Variants in PCDHA6 observed in about 807,000 individuals in gnomAD.
PCDHA6 encodes protocadherin alpha 6, also known as protocadherin alpha-6.
Under a neutral mutation model 60.3 loss-of-function variants are expected in PCDHA6, and 55 were observed. The observed-to-expected ratio is 0.91, with a 90% CI of 0.73 to 1.14. The LOEUF is 1.14. Among genes scored for constraint, PCDHA6 ranks in the 50% most tolerant of loss-of-function variants. PCDHA6 has a pLI of 0.00. For synonymous variants in PCDHA6, 652 were observed against 557.9 expected (o/e 1.17, Z -2.38); for missense variants, 1,327 against 1,256.5 (o/e 1.06, Z -0.85).
intron 1 of PCDHA6, chr5:140,869,103 G>T: frequency 6.2e-7 from 1 of 1,600,312 alleles, no homozygotes; most frequent in Non-Finnish European, 8.5e-7. Context: ...TTTCGTATGC[G>T]ATGTTTGGTT....
chr5:140,854,244 A>C lies in PCDHA6; in HGVS notation c.2394+23759A>C, dbSNP rs782085298. 42 of 645,742 alleles carry C rather than the reference A, an allele frequency of 6.5e-5. 1 individual carries two copies. The highest frequency in any genetic ancestry group is 7.7e-5 in the Non-Finnish European group (40 of 520,302). 40.0% of individuals were successfully genotyped at this position (645,742 alleles called of 1,614,324 possible). A position where few individuals can be genotyped will look rare whatever the true frequency, so the allele number is the denominator to read the frequency against. ...TCTACATTGGGATATTTATGTTATCACTTGGTATAAAATGTACATTAGTAG... is the reference window on the plus strand; with the variant it reads ...TCTACATTGGGATATTTATGTTATCCCTTGGTATAAAATGTACATTAGTAG... On this transcript the variant is annotated intron_variant, in intron 1 of 3. Coordinates refer to ENST00000529310, the MANE Select transcript of PCDHA6 (RefSeq NM_018909.4).
intron 1 of PCDHA6, among the ~76,000 whole-genome samples, chr5:140,879,438 A>C (rs2057989809): frequency 6.6e-6 from 1 of 152,214 alleles, no homozygotes; most frequent in South Asian, 2.1e-4. Context: ...ACATTTAAGA[A>C]AATGTTACTT....
chr5:140,980,265 A>G (rs1041506600), intron 2 of PCDHA6, among the ~76,000 whole-genome samples: 1 of 152,258 alleles, frequency 6.6e-6, no homozygotes, highest in Non-Finnish European at 1.5e-5. Flanking sequence ...CATGGTTTAC[A>G]GTACCAACTC....
chr5:140,884,229 A>T (rs2060058344), intron 1 of PCDHA6: 2 of 1,613,258 alleles, frequency 1.2e-6, no homozygotes. Flanking sequence ...GTGAAGGACC[A>T]CGGTGAGCCC....
At chr5:140,889,705 CA>C (rs1440108575) in intron 1 of PCDHA6, among the ~76,000 whole-genome samples, 2 of 152,132 alleles carry the variant, frequency 1.3e-5, no homozygotes, top group Non-Finnish European at 1.5e-5. Flanking sequence ...GCATATTCCA[CA>C]AGTTCTTTGC....
chr5:140,917,952 GA>G (rs1180047836), intron 1 of PCDHA6, among the ~76,000 whole-genome samples: 1 of 152,002 alleles, frequency 6.6e-6, no homozygotes, highest in Non-Finnish European at 1.5e-5. Flanking sequence ...AGTTTGATAG[GA>G]ACATCATTGA....
chr5:140,836,420 G>T, intron 1 of PCDHA6: 1 of 1,613,810 alleles, frequency 6.2e-7, no homozygotes. Flanking sequence ...CAAAGGCGTC[G>T]TCGCGGGCAT....
chr5:140,834,201 A>G, intron 1 of PCDHA6: 1 of 610,058 alleles, frequency 1.6e-6, no homozygotes, highest in South Asian at 2.4e-5. Context: ...TCTTTACCGC[A>G]AATTCTTTCG....
intron 1 of PCDHA6, among the ~76,000 whole-genome samples, chr5:140,951,497 A>G (rs2094591184): frequency 6.6e-6 from 1 of 152,030 alleles, no homozygotes; most frequent in Non-Finnish European, 1.5e-5. Flanking sequence ...GGTGGAAGGC[A>G]AAAGGAAAGC....
intron 1 of PCDHA6, among the ~76,000 whole-genome samples, chr5:140,833,925 A>T (rs2150212105): frequency 0.49 from 75,044 of 151,918 alleles, 18,888 homozygotes; most frequent in Middle Eastern, 0.62. Flanking sequence ...GTTTAAATTC[A>T]TGTTGTCACT....
At chr5:140,895,671 T>C (rs1014778982) in intron 1 of PCDHA6, among the ~76,000 whole-genome samples, 5 of 152,184 alleles carry the variant, frequency 3.3e-5, no homozygotes, top group African/African-American at 4.8e-5. Context: ...GAACATGTAG[T>C]ATTTGGTTTT....
intron 1 of PCDHA6, among the ~76,000 whole-genome samples, chr5:140,961,071 G>GT (rs2095588240): frequency 6.6e-6 from 1 of 152,208 alleles, no homozygotes; most frequent in African/African-American, 2.4e-5. Flanking sequence ...GATATCTGGA[G>GT]TATCAAGTAA....
chr5:140,830,015 T>C lies in PCDHA6; in HGVS notation c.1924T>C (p.Ser642Pro), dbSNP rs1770748975. Residue 642 changes from serine to proline, a missense_variant, in exon 1 of 4, where the codon TCT becomes CCT. Physicochemically the swap from Ser to Pro is moderately conservative, Grantham distance 74. Transcript: ENST00000529310. ...CACTCGTGTCCTGGACGAAGCGGAC[T>C]CTCCGCGCCACCGGCTGCTGGTGCT... is the stretch of plus-strand genomic sequence containing the variant. The part of the protein sequence containing the change: ...STTRVLDEAD[S>P]PRHRLLVLVK... 28 of 1,613,788 alleles carry C rather than the reference T, an allele frequency of 1.7e-5. No homozygotes were observed. Among genetic ancestry groups the C allele is most frequent in the Non-Finnish European group, 2.4e-5 (28 of 1,179,930 alleles).
At chr5:140,849,149 C>T (rs1423345877) in intron 1 of PCDHA6, 1 of 1,253,130 alleles carries the variant, frequency 8.0e-7, no homozygotes, top group African/African-American at 1.8e-5. Context: ...CCGATGGAGG[C>T]AAACCCGAGC....
At chr5:140,856,168 C>G in intron 1 of PCDHA6, 1 of 1,598,314 alleles carries the variant, frequency 6.3e-7, no homozygotes, top group Non-Finnish European at 8.6e-7. Context: ...AGGCCAGACA[C>G]GGCACCTTCG....
At chr5:140,997,225 C>T (rs1554255781) in intron 3 of PCDHA6, among the ~76,000 whole-genome samples, 1 of 152,090 alleles carries the variant, frequency 6.6e-6, no homozygotes, top group African/African-American at 2.4e-5. Context: ...CTATCATTAC[C>T]ACCCAACTTC....
intron 1 of PCDHA6, among the ~76,000 whole-genome samples, chr5:140,839,564 A>G (rs1022295415): frequency 3.3e-5 from 5 of 151,854 alleles, no homozygotes; most frequent in African/African-American, 9.7e-5. Flanking sequence ...TAATTTTTGT[A>G]TTTTTTGTAG....
intron 1 of PCDHA6, chr5:140,876,140 C>T: frequency 6.2e-7 from 1 of 1,613,944 alleles, no homozygotes; most frequent in East Asian, 2.2e-5. Context: ...CCAGAACTAA[C>T]AGGGTCTGTC....
At position 140,856,052 on chromosome 5, in the gene PCDHA6, G is replaced by A. The variant is rs782444703; in HGVS notation, c.2394+25567G>A. 5.7e-6 allele frequency: 9 copies of A among 1,585,062 alleles called. 1 individual carries two copies. Among genetic ancestry groups the A allele is most frequent in the African/African-American group, 5.4e-5 (4 of 73,974 alleles). On this transcript the variant is annotated intron_variant, in intron 1 of 3. Coordinates refer to ENST00000529310, the MANE Select transcript of PCDHA6 (RefSeq NM_018909.4). The stretch of plus-strand genomic sequence containing the variant: ...TGTAAAACAAGAGAAGGATAAGATG[G>A]TTTCCAGATGTAGCTGCCTGGGGGT...
Sources: allele counts gnomAD v4.1 joint callset (sites outside exome capture counted in the v4.1 genomes callset), GRCh38; gene constraint gnomAD v4.1.1; transcripts MANE v1.5; gene names NCBI Gene and HGNC (gene_info 2026-07-23, HGNC 2026-07-21).